The following PEX5L variants were observed in gnomAD, a reference collection of about 807,000 sequenced individuals.
PEX5L encodes the protein PEX5-related protein.
A neutral mutation model predicts 84.0 loss-of-function variants in PEX5L; 30 were observed. The observed-to-expected ratio is 0.36, with a 90% CI of 0.27 to 0.48. PEX5L has a LOEUF of 0.48. Among genes scored for constraint, PEX5L ranks in the 20% least tolerant of loss-of-function variants. The pLI, the probability that PEX5L is intolerant of heterozygous loss-of-function variation, is 0.99. For missense variants in PEX5L, 533 were observed against 754.6 expected (o/e 0.71, Z 3.44); for synonymous variants, 270 against 283.1 (o/e 0.95, Z 0.46).
At chr3:179,879,296 A>T (rs1166452395) in intron 5 of PEX5L, among the ~76,000 whole-genome samples, 2 of 152,214 alleles carry the variant, frequency 1.3e-5, no homozygotes, top group Non-Finnish European at 2.9e-5. Context: ...AGTGGAAAAC[A>T]TATGGGCTTT....
rs1265007877 is a variant in PEX5L, at chr3:179,801,840, G to A, written c.1869C>T (p.Asn623=). Residue 623 remains asparagine (N), a synonymous_variant, in exon 15 of 15, where the codon AAC becomes AAT. Coordinates refer to ENST00000467460, the MANE Select transcript of PEX5L (RefSeq NM_016559.3). ...GDLDVLLRAF[N]LDP ...TATTATTCTTTCTTCAAGGATCCAA[G>A]TTGAAAGCTCTTAAGAGGACATCCA... is the stretch of plus-strand genomic sequence containing the variant. 6.2e-7 allele frequency: 1 copy of A among 1,607,800 alleles called. No homozygotes were observed. The highest frequency in any genetic ancestry group is 1.1e-5 in the South Asian group (1 of 90,964).
chr3:179,840,183 G>GTTT (rs71182521), intron 8 of PEX5L, among the ~76,000 whole-genome samples: 1,184 of 78,686 alleles, frequency 0.015, 29 homozygotes, highest in East Asian at 0.04. Flanking sequence ...GTGTGTGTGT[G>GTTT]TTTTTTTTTT....
chr3:179,820,072 G>T (rs1727876708), intron 8 of PEX5L, 96 bp from the exon 9 acceptor site: 1 of 1,562,558 alleles, frequency 6.4e-7, no homozygotes, highest in Non-Finnish European at 8.6e-7. Flanking sequence ...AGGCTTCTGG[G>T]GAGGAATAAA....
In PEX5L at chr3:180,006,922, C is replaced by T. The variant is rs533978404; in HGVS notation, c.21+29657G>A. 4.6e-5 allele frequency among the ~76,000 whole-genome samples: 7 copies of T among 152,214 alleles called. No homozygotes were observed. In the East Asian group the frequency reaches 7.7e-4, roughly 17 times the overall value. Reference sequence around the variant, plus strand: ...TGGGTGGGGACACAGCCAAACCATACGATTCCACCCCTTACTCCTAAAAAT... The same window carrying T: ...TGGGTGGGGACACAGCCAAACCATATGATTCCACCCCTTACTCCTAAAAAT... On this transcript the variant is annotated intron_variant, in intron 1 of 14. Transcript: ENST00000467460.
intron 8 of PEX5L, among the ~76,000 whole-genome samples, chr3:179,820,807 G>T (rs1728232497): frequency 6.6e-6 from 1 of 152,130 alleles, no homozygotes; most frequent in Non-Finnish European, 1.5e-5. Context: ...GAGTTCTTTG[G>T]GTGGCCCAAG....
At chr3:179,941,864 T>A (rs993038261) in intron 2 of PEX5L, among the ~76,000 whole-genome samples, 4 of 151,570 alleles carry the variant, frequency 2.6e-5, no homozygotes, top group Admixed American at 2.6e-4. Context: ...CTACTAAAAA[T>A]ACAAAAACTA....
chr3:179,979,892 G>A (rs13061260), intron 1 of PEX5L, among the ~76,000 whole-genome samples: 28 of 152,162 alleles, frequency 1.8e-4, no homozygotes, highest in African/African-American at 4.3e-4. Context: ...CTTTTCCAGC[G>A]ACTCCTCTTC....
intron 5 of PEX5L, among the ~76,000 whole-genome samples, chr3:179,877,101 A>G (rs989949426): frequency 6.6e-6 from 1 of 152,242 alleles, no homozygotes; most frequent in Non-Finnish European, 1.5e-5. Context: ...TTCCACTTAC[A>G]GATTTTGGAA....
intron 8 of PEX5L, among the ~76,000 whole-genome samples, chr3:179,858,114 C>T (rs913838632): frequency 3.9e-5 from 6 of 152,088 alleles, no homozygotes; most frequent in African/African-American, 1.4e-4. Context: ...TACTGAAAGA[C>T]CACCCTTTCA....
At chr3:179,858,887 C>T (rs1479389248) in intron 8 of PEX5L, among the ~76,000 whole-genome samples, 175 bp downstream of exon 8, 1 of 152,296 alleles carries the variant, frequency 6.6e-6, no homozygotes, top group South Asian at 2.1e-4. Flanking sequence ...TTCTCTGGTA[C>T]ATTGATTATA....
rs899232769 is a variant in PEX5L, at chr3:179,797,206, T to G, written c.*4622A>C. 2 of 152,214 alleles carry G rather than the reference T, an allele frequency of 1.3e-5. No individual in the cohort carries two copies. The highest frequency in any genetic ancestry group is 2.9e-5 in the Non-Finnish European group (2 of 68,038). The allele number at this position is 152,214 out of a possible 1,614,324, so 9.4% of individuals were successfully genotyped here. A position where few individuals can be genotyped will look rare whatever the true frequency, so the allele number is the denominator to read the frequency against. The stretch of plus-strand genomic sequence containing the variant: ...TGGTTTTTGAAAAAGTGTTTAGATG[T>G]CCCAGATTCTTCAGAGGATTAGTTT... On this transcript the variant is annotated 3_prime_UTR_variant, in exon 15 of 15. Transcript: ENST00000467460.
intron 8 of PEX5L, among the ~76,000 whole-genome samples, chr3:179,824,004 G>T (rs918954237): frequency 6.6e-6 from 1 of 151,802 alleles, no homozygotes; most frequent in Admixed American, 6.6e-5. Context: ...TCACTTTTTT[G>T]ATTGTAAAAC....
At chr3:179,950,980 C>T (rs1035668155) in intron 2 of PEX5L, among the ~76,000 whole-genome samples, 3 of 152,208 alleles carry the variant, frequency 2.0e-5, no homozygotes, top group Non-Finnish European at 2.9e-5. Flanking sequence ...ATGAACTCTA[C>T]AAGATGTAAG....
At chr3:179,802,053 AT>A in intron 14 of PEX5L, 21 bp from the exon 15 acceptor site, 2 of 1,532,474 alleles carry the variant, frequency 1.3e-6, no homozygotes, top group South Asian at 2.2e-5. Flanking sequence ...AGAAAAACAT[AT>A]TTTAAAATGA....
chr3:179,909,111 A>G (rs949292946), intron 2 of PEX5L, among the ~76,000 whole-genome samples: 1 of 152,008 alleles, frequency 6.6e-6, no homozygotes, highest in Non-Finnish European at 1.5e-5. Flanking sequence ...GCTTGTATTC[A>G]TCCATGGAAT....
intron 8 of PEX5L, among the ~76,000 whole-genome samples, chr3:179,830,044 A>T (rs529795888): frequency 7.0e-6 from 1 of 142,446 alleles, no homozygotes; most frequent in Admixed American, 7.6e-5. Flanking sequence ...TGATCCACCC[A>T]CCTTGGCCTC....
At chr3:179,810,880 G>T (rs1007011383) in intron 11 of PEX5L, among the ~76,000 whole-genome samples, 1 of 152,084 alleles carries the variant, frequency 6.6e-6, no homozygotes, top group Non-Finnish European at 1.5e-5. Flanking sequence ...GTGTATACAG[G>T]GTTAAGAACC....
intron 2 of PEX5L, among the ~76,000 whole-genome samples, chr3:179,938,855 GGATT>G (rs1453251167): frequency 6.6e-6 from 1 of 152,170 alleles, no homozygotes; most frequent in Non-Finnish European, 1.5e-5. Flanking sequence ...GACCAGTGCT[GGATT>G]GTCTTAAGCC....
At chr3:179,990,400 C>CTTTTTTTT in intron 1 of PEX5L, among the ~76,000 whole-genome samples, 1 of 149,984 alleles carries the variant, frequency 6.7e-6, no homozygotes, top group Non-Finnish European at 1.5e-5. Context: ...ATTCTGATAT[C>CTTTTTTTT]TTTTTTTTTT....
Sources: gnomAD v4.1 joint callset for allele counts (sites outside exome capture counted in the v4.1 genomes callset) on GRCh38, gnomAD v4.1.1 for gene constraint, MANE v1.5 for transcripts, NCBI Gene and HGNC (gene_info 2026-07-23, HGNC 2026-07-21) for gene names.